Variants in ALK observed in about 807,000 individuals in gnomAD.
The protein encoded by ALK is ALK receptor tyrosine kinase, also known as ALK tyrosine kinase receptor.
Under a neutral mutation model 163.1 loss-of-function variants are expected in ALK, and 74 were observed. That is an observed-to-expected ratio of 0.45 (90% confidence interval 0.38 to 0.55). ALK has a LOEUF of 0.55. Among genes scored for constraint, ALK ranks in the 20% least tolerant of loss-of-function variants. The probability of loss-of-function intolerance (pLI) is 0.00; values close to 1 mark genes in which losing one functional copy is unlikely to be tolerated. For missense variants in ALK, 2,063 were observed against 2,105.3 expected (o/e 0.98, Z 0.39); for synonymous variants, 960 against 843.2 (o/e 1.14, Z -2.40).
At chr2:29,756,085 C>T (rs1010645204) in intron 1 of ALK, among the ~76,000 whole-genome samples, 1 of 152,216 alleles carries the variant, frequency 6.6e-6, no homozygotes, top group African/African-American at 2.4e-5. Flanking sequence ...GAGCCCACAT[C>T]CTTGGGCTCC....
intron 3 of ALK, among the ~76,000 whole-genome samples, chr2:29,638,145 G>T (rs1041992740): frequency 9.2e-5 from 14 of 152,122 alleles, no homozygotes; most frequent in Non-Finnish European, 1.9e-4. Flanking sequence ...GCCATTTTTG[G>T]CATCTCAACA....
chr2:29,482,930 G>T (rs1470038488), intron 4 of ALK, among the ~76,000 whole-genome samples: 2 of 152,176 alleles, frequency 1.3e-5, no homozygotes, highest in East Asian at 3.8e-4. Flanking sequence ...GCCAATGGCA[G>T]CATGCTTTGA....
At chr2:29,440,130 A>G (rs1041983434) in intron 4 of ALK, among the ~76,000 whole-genome samples, 1 of 151,614 alleles carries the variant, frequency 6.6e-6, no homozygotes, top group Non-Finnish European at 1.5e-5. Context: ...GCTATTCGGG[A>G]GGCTGAGGCA....
chr2:29,540,620 T>A (rs537296957), intron 3 of ALK, among the ~76,000 whole-genome samples: 32 of 150,998 alleles, frequency 2.1e-4, no homozygotes, highest in African/African-American at 7.8e-4. Context: ...TAGGTTTTTC[T>A]CCTCATAACT....
intron 4 of ALK, among the ~76,000 whole-genome samples, chr2:29,514,862 G>T (rs1440704662): frequency 6.6e-6 from 1 of 152,102 alleles, no homozygotes; most frequent in African/African-American, 2.4e-5. Flanking sequence ...TCCTTGTGGT[G>T]CTGCAAAGGT....
chr2:29,209,957 T>A lies in ALK; in HGVS notation c.3744-79A>T, dbSNP rs1669420650. On this transcript the variant is annotated intron_variant, in intron 24 of 28. Coordinates refer to ENST00000389048, the MANE Select transcript of ALK (RefSeq NM_004304.5). Reference sequence around the variant, plus strand: ...CAACGGCCATCACTAGGATTTTATCTCCAAGCTGAAGTTTAAATAGTTCCT... The same window carrying A: ...CAACGGCCATCACTAGGATTTTATCACCAAGCTGAAGTTTAAATAGTTCCT... The A allele has an allele frequency of 4.3e-6, 5 of 1,156,114 alleles. No individual in the cohort carries two copies. In the South Asian group the frequency reaches 6.3e-5, roughly 15 times the overall value. 71.6% of individuals were successfully genotyped at this position (1,156,114 alleles called of 1,614,324 possible). A position where few individuals can be genotyped will look rare whatever the true frequency, so the allele number is the denominator to read the frequency against.
intron 2 of ALK, among the ~76,000 whole-genome samples, chr2:29,699,007 C>T (rs544964660): frequency 5.9e-5 from 9 of 152,288 alleles, no homozygotes; most frequent in African/African-American, 2.2e-4. Context: ...GCCTAAAACA[C>T]CAGGTTAAGT....
At chr2:29,736,073 C>T (rs1679883708) in intron 1 of ALK, among the ~76,000 whole-genome samples, 2 of 152,070 alleles carry the variant, frequency 1.3e-5, no homozygotes, top group Non-Finnish European at 2.9e-5. Flanking sequence ...CCCAGGAAGT[C>T]TTACTCCAGA....
intron 18 of ALK, among the ~76,000 whole-genome samples, chr2:29,226,280 A>G (rs1437591287): frequency 6.6e-6 from 1 of 151,868 alleles, no homozygotes; most frequent in Non-Finnish European, 1.5e-5. Flanking sequence ...GGAGTTTGAG[A>G]CCAGCCTGGC....
chr2:29,869,739 A>G (rs1250205341), intron 1 of ALK, among the ~76,000 whole-genome samples: 1 of 152,196 alleles, frequency 6.6e-6, no homozygotes, highest in Non-Finnish European at 1.5e-5. Context: ...ATATTAATGG[A>G]TTGAATTGCA....
intron 1 of ALK, among the ~76,000 whole-genome samples, chr2:29,850,054 C>T (rs1468441857): frequency 6.6e-6 from 1 of 152,086 alleles, no homozygotes; most frequent in Non-Finnish European, 1.5e-5. Flanking sequence ...AATGATAGCC[C>T]CAAACTGCAA....
At chr2:29,788,667 A>G (rs1480498806) in intron 1 of ALK, among the ~76,000 whole-genome samples, 1 of 152,218 alleles carries the variant, frequency 6.6e-6, no homozygotes, top group Non-Finnish European at 1.5e-5. Flanking sequence ...ACTGACTGTC[A>G]TAATAGAACA....
At chr2:29,621,973 C>T (rs1300299462) in intron 3 of ALK, among the ~76,000 whole-genome samples, 1 of 152,078 alleles carries the variant, frequency 6.6e-6, no homozygotes, top group Non-Finnish European at 1.5e-5. Context: ...GGGTGGGAGA[C>T]TTTGAAGACC....
At chr2:29,651,576 T>C (rs904029151) in intron 3 of ALK, among the ~76,000 whole-genome samples, 3 of 152,194 alleles carry the variant, frequency 2.0e-5, no homozygotes, top group African/African-American at 7.2e-5. Flanking sequence ...TTTATGTTTT[T>C]CTTTCCAAAC....
intron 3 of ALK, among the ~76,000 whole-genome samples, chr2:29,682,675 A>G (rs538692118): frequency 2.3e-4 from 35 of 152,330 alleles, no homozygotes; most frequent in African/African-American, 7.5e-4. Flanking sequence ...AGGGGATTAA[A>G]CAGGGGCATC....
intron 1 of ALK, among the ~76,000 whole-genome samples, chr2:29,782,286 C>G (rs775487226): frequency 6.6e-6 from 1 of 152,102 alleles, no homozygotes; most frequent in Non-Finnish European, 1.5e-5. Flanking sequence ...GTGAAGAGAC[C>G]TGTGGGTTTA....
intron 1 of ALK, among the ~76,000 whole-genome samples, chr2:29,882,859 C>A (rs1666900672): frequency 6.6e-6 from 1 of 152,084 alleles, no homozygotes; most frequent in South Asian, 2.1e-4. Context: ...GATGTGTATC[C>A]CAAATATTGT....
intron 3 of ALK, among the ~76,000 whole-genome samples, chr2:29,600,628 G>A (rs1041680549): frequency 3.3e-5 from 5 of 152,178 alleles, no homozygotes; most frequent in Non-Finnish European, 5.9e-5. Flanking sequence ...CTGCTCACGT[G>A]CTCAGGACTG....
At chr2:29,236,551 G>A (rs1170973128) in intron 13 of ALK, among the ~76,000 whole-genome samples, 7 of 152,146 alleles carry the variant, frequency 4.6e-5, no homozygotes, top group African/African-American at 1.2e-4. Context: ...CTCATCCCCC[G>A]CACCCCTGCT....
Sources: gnomAD v4.1 joint callset for allele counts (sites outside exome capture counted in the v4.1 genomes callset) on GRCh38, gnomAD v4.1.1 for gene constraint, MANE v1.5 for transcripts, NCBI Gene and HGNC (gene_info 2026-07-23, HGNC 2026-07-21) for gene names.